Variants in LHFPL3 observed in about 807,000 individuals in gnomAD.
The protein encoded by LHFPL3 is LHFPL tetraspan subfamily member 3.
In LHFPL3, 5 loss-of-function variants were observed where a neutral mutation model predicts 19.3. The ratio of observed to expected loss-of-function variants is 0.26; its 90% CI spans 0.14 to 0.54. The LOEUF is 0.54. LHFPL3 is among the 20% of genes least tolerant of loss of function. The probability of loss-of-function intolerance (pLI) is 0.94; values close to 1 mark genes in which losing one functional copy is unlikely to be tolerated. For synonymous variants in LHFPL3, 133 were observed against 126.2 expected, an observed-to-expected ratio of 1.05 and a Z score of -0.36; for missense variants, 249 against 307.4, an observed-to-expected ratio of 0.81 and a Z score of 1.42.
chr7:104,333,510 C>T (rs1801608737), intron 1 of LHFPL3, among the ~76,000 whole-genome samples: 1 of 152,130 alleles, frequency 6.6e-6, no homozygotes, highest in Non-Finnish European at 1.5e-5. Flanking sequence ...GCAAGAAGTG[C>T]CACCAAGATG....
rs9886169 is a variant in LHFPL3, at chr7:104,412,495, A to G, written c.445+83271A>G. On this transcript the variant is annotated intron_variant, in intron 1 of 2. Coordinates refer to ENST00000424859, the MANE Select transcript of LHFPL3 (RefSeq NM_199000.3). The stretch of plus-strand genomic sequence containing the variant: ...ACAACACAAAGCACCAGATAGTGAA[A>G]TCATACTCACACATTATAGAGATCT... 8.8e-3 allele frequency among the ~76,000 whole-genome samples: 1,336 copies of G among 152,248 alleles called. 22 individuals are homozygous for G. The highest frequency in any genetic ancestry group is 0.03 in the African/African-American group (1,260 of 41,538).
intron 1 of LHFPL3, among the ~76,000 whole-genome samples, chr7:104,402,099 AAAC>A (rs1374571505): frequency 2.6e-5 from 4 of 151,320 alleles, no homozygotes; most frequent in African/African-American, 7.3e-5. Flanking sequence ...AAAAAAAAAA[AAAC>A]AAAAAACAAC....
chr7:104,758,455 C>T (rs1794321926), intron 2 of LHFPL3, among the ~76,000 whole-genome samples: 1 of 152,066 alleles, frequency 6.6e-6, no homozygotes, highest in Non-Finnish European at 1.5e-5. Flanking sequence ...AGGGGCTTGT[C>T]ATTTATAGCA....
intron 1 of LHFPL3, among the ~76,000 whole-genome samples, chr7:104,545,316 C>G (rs1253812588): frequency 6.6e-6 from 1 of 152,170 alleles, no homozygotes; most frequent in Non-Finnish European, 1.5e-5. Flanking sequence ...TGTTTCACCT[C>G]TGAATAGGCT....
At chr7:104,536,691 A>C (rs893791169) in intron 1 of LHFPL3, among the ~76,000 whole-genome samples, 5 of 152,176 alleles carry the variant, frequency 3.3e-5, no homozygotes, top group African/African-American at 1.2e-4. Flanking sequence ...TTCCATTTTA[A>C]TTTAATTCTT....
chr7:104,540,429 A>G (rs1016828476), intron 1 of LHFPL3, among the ~76,000 whole-genome samples: 1 of 152,148 alleles, frequency 6.6e-6, no homozygotes, highest in African/African-American at 2.4e-5. Flanking sequence ...CCCAGCATCT[A>G]CTGGGTACAG....
At chr7:104,850,025 G>A (rs10226802) in intron 2 of LHFPL3, among the ~76,000 whole-genome samples, 13,558 of 152,210 alleles carry the variant, frequency 0.089, 1,308 homozygotes, top group East Asian at 0.44. Flanking sequence ...TTTTTAGGCC[G>A]GGCGCGGTGG....
At chr7:104,589,747 T>C (rs961648633) in intron 1 of LHFPL3, among the ~76,000 whole-genome samples, 1 of 152,170 alleles carries the variant, frequency 6.6e-6, no homozygotes, top group Non-Finnish European at 1.5e-5. Context: ...GGTCCTGGAC[T>C]TTTTTTGGTT....
intron 1 of LHFPL3, among the ~76,000 whole-genome samples, chr7:104,599,856 G>T (rs1286160867): frequency 6.6e-6 from 1 of 152,184 alleles, no homozygotes; most frequent in Admixed American, 6.5e-5. Context: ...AATGGCTAAT[G>T]AGGCCAGTGA....
intron 1 of LHFPL3, among the ~76,000 whole-genome samples, chr7:104,572,478 T>C (rs1562938611): frequency 6.6e-6 from 1 of 152,212 alleles, no homozygotes; most frequent in East Asian, 1.9e-4. Flanking sequence ...TTTATGGACT[T>C]AAATCAAGAC....
At chr7:104,746,248 G>T (rs561717738) in intron 2 of LHFPL3, among the ~76,000 whole-genome samples, 1 of 152,126 alleles carries the variant, frequency 6.6e-6, no homozygotes, top group Non-Finnish European at 1.5e-5. Flanking sequence ...TAAGGTGGAG[G>T]TTGCAGTGAA....
intron 1 of LHFPL3, among the ~76,000 whole-genome samples, chr7:104,614,116 A>G (rs1791262742): frequency 6.6e-6 from 1 of 152,192 alleles, no homozygotes; most frequent in East Asian, 1.9e-4. Context: ...AATGTTTTCC[A>G]AAGTAAATCC....
chr7:104,798,762 G>A (rs1203386788), intron 2 of LHFPL3, among the ~76,000 whole-genome samples: 1 of 152,036 alleles, frequency 6.6e-6, no homozygotes, highest in Non-Finnish European at 1.5e-5. Context: ...CATTTTTTTA[G>A]TAAATAATAG....
intron 1 of LHFPL3, among the ~76,000 whole-genome samples, chr7:104,617,343 T>G (rs549114528): frequency 6.6e-6 from 1 of 152,238 alleles, no homozygotes; most frequent in South Asian, 2.1e-4. Context: ...CATCTTAAAT[T>G]GTAACACAAG....
At chr7:104,873,342 A>G (rs1002514930) in intron 2 of LHFPL3, among the ~76,000 whole-genome samples, 8 of 152,240 alleles carry the variant, frequency 5.3e-5, no homozygotes, top group African/African-American at 1.4e-4. Context: ...GATTATTTTA[A>G]AAGATAAACA....
rs373418759 is a variant in LHFPL3 at position 104,368,276 on chromosome 7, AGTT to A, written c.445+39062_445+39064del. ...GTTAAAACTCTGTGCAGCCTCTTTTAGTTGTTGTTGTTATTGTGGTAAGAACAC... is the reference window on the plus strand; with the variant it reads ...GTTAAAACTCTGTGCAGCCTCTTTTAGTTGTTGTTATTGTGGTAAGAACAC... On this transcript the variant is annotated intron_variant, in intron 1 of 2. Coordinates refer to ENST00000424859, the MANE Select transcript of LHFPL3 (RefSeq NM_199000.3). 1.2e-4 allele frequency among the ~76,000 whole-genome samples: 19 copies of A among 152,232 alleles called. No individual in the cohort carries two copies. In the South Asian group the frequency reaches 3.5e-3, roughly 28 times the overall value.
intron 1 of LHFPL3, among the ~76,000 whole-genome samples, chr7:104,482,455 C>A (rs957447217): frequency 5.9e-5 from 9 of 152,228 alleles, no homozygotes; most frequent in Admixed American, 6.5e-5. Flanking sequence ...TTCAAGCCAT[C>A]ATTCCTGCCC....
At chr7:104,396,061 T>G (rs1287271274) in intron 1 of LHFPL3, among the ~76,000 whole-genome samples, 2 of 152,202 alleles carry the variant, frequency 1.3e-5, no homozygotes, top group Non-Finnish European at 2.9e-5. Context: ...CTCTTCATCC[T>G]GCCCACTCTG....
At chr7:104,331,431 A>ATAT (rs1211929508) in intron 1 of LHFPL3, among the ~76,000 whole-genome samples, 1 of 152,212 alleles carries the variant, frequency 6.6e-6, no homozygotes, top group East Asian at 1.9e-4. Flanking sequence ...GGTAAACTAT[A>ATAT]GTACATGATT....
Sources: gnomAD v4.1 joint callset for allele counts (sites outside exome capture counted in the v4.1 genomes callset) on GRCh38, gnomAD v4.1.1 for gene constraint, MANE v1.5 for transcripts, NCBI Gene and HGNC (gene_info 2026-07-23, HGNC 2026-07-21) for gene names.